The following HYDIN variants were observed in gnomAD, a reference collection of about 807,000 sequenced individuals.
HYDIN encodes the protein axonemal central pair apparatus protein HYDIN.
In HYDIN, 132 loss-of-function variants were observed where a neutral mutation model predicts 403.9. That is an observed-to-expected ratio of 0.33 (90% CI 0.28 to 0.38). The LOEUF (loss-of-function observed/expected upper bound fraction) is 0.38, where lower values mean the gene tolerates loss of function less well. Ranked by LOEUF, HYDIN falls within the 10% of genes least tolerant of loss-of-function variation. HYDIN has a pLI of 1.00. For missense variants in HYDIN, 2,827 were observed against 5,009.5 expected (o/e 0.56, Z 13.15); for synonymous variants, 1,202 against 1,891.7 (o/e 0.64, Z 9.46).
chr16:71,175,202 A>G (rs2086622002), intron 5 of HYDIN, among the ~76,000 whole-genome samples: 1 of 150,520 alleles, frequency 6.6e-6, no homozygotes, highest in African/African-American at 2.4e-5. Context: ...ACTATCAATG[A>G]CAACAATATT....
At chr16:70,974,822 G>A in intron 31 of HYDIN, 152 bp from the exon 32 acceptor site, 1 of 724,090 alleles carries the variant, frequency 1.4e-6, no homozygotes, top group East Asian at 2.7e-5. Flanking sequence ...ATGGAGACTA[G>A]AAACAACGTT....
intron 10 of HYDIN, among the ~76,000 whole-genome samples, chr16:71,109,645 C>T (rs1400383372): frequency 7.4e-6 from 1 of 135,424 alleles, no homozygotes; most frequent in East Asian, 2.1e-4. Context: ...CAAAGCTCTT[C>T]CCTGGCAAGC....
At chr16:70,813,095 G>A (rs2035609502) in intron 84 of HYDIN, among the ~76,000 whole-genome samples, 1 of 151,840 alleles carries the variant, frequency 6.6e-6, no homozygotes, top group African/African-American at 2.4e-5. Flanking sequence ...TAGGAATACA[G>A]GCACATGCCA....
intron 42 of HYDIN, among the ~76,000 whole-genome samples, chr16:70,943,379 A>G (rs2077741803): frequency 6.6e-6 from 1 of 152,232 alleles, no homozygotes; most frequent in African/African-American, 2.4e-5. Flanking sequence ...AAAAGTTTTT[A>G]CTATGTGTGT....
chr16:70,965,551 A>T (rs910826928), intron 36 of HYDIN, among the ~76,000 whole-genome samples: 18 of 152,132 alleles, frequency 1.2e-4, no homozygotes, highest in African/African-American at 3.4e-4. Context: ...TTTTCTCCTA[A>T]ATCTGGCAAT....
chr16:70,969,034 G>A (rs2078664552), intron 36 of HYDIN, among the ~76,000 whole-genome samples: 1 of 151,982 alleles, frequency 6.6e-6, no homozygotes, highest in South Asian at 2.1e-4. Flanking sequence ...AGAATGAAAT[G>A]GATGGAGAAG....
At chr16:71,000,885 A>G (rs1301590965) in intron 23 of HYDIN, among the ~76,000 whole-genome samples, 3 of 152,324 alleles carry the variant, frequency 2.0e-5, no homozygotes, top group South Asian at 2.1e-4. Flanking sequence ...GGGGACTTCA[A>G]ATTTACTAAC....
chr16:71,030,568 G>A (rs1397175558), intron 19 of HYDIN, among the ~76,000 whole-genome samples: 1 of 151,762 alleles, frequency 6.6e-6, no homozygotes, highest in Admixed American at 6.6e-5. Context: ...GAGTAGCTGG[G>A]ACTACACGCA....
chr16:70,813,113 C>T lies in HYDIN; in HGVS notation c.14659-3106G>A, dbSNP rs567640148. On this transcript the variant is annotated intron_variant, in intron 84 of 85. Coordinates refer to ENST00000393567, the MANE Select transcript of HYDIN (RefSeq NM_001270974.2). The stretch of plus-strand genomic sequence containing the variant: ...GAATACAGGCACATGCCATCATGGC[C>T]GGCTAATTTTTGTATTTTTAGTAGA... 1.5e-4 allele frequency among the ~76,000 whole-genome samples: 23 copies of T among 151,894 alleles called. 1 individual carries two copies. The highest frequency in any genetic ancestry group is 5.8e-4 in the East Asian group (3 of 5,186).
At chr16:70,997,200 A>G (rs1597497836) in intron 23 of HYDIN, among the ~76,000 whole-genome samples, 1 of 142,424 alleles carries the variant, frequency 7.0e-6, no homozygotes, top group Non-Finnish European at 1.5e-5. Context: ...AGTGGTGGGG[A>G]GTGGCTGTAA....
At chr16:70,927,949 T>TA (rs796753706) in intron 45 of HYDIN, among the ~76,000 whole-genome samples, 6,251 of 132,554 alleles carry the variant, frequency 0.047, 208 homozygotes, top group Non-Finnish European at 0.07. Context: ...AACCTGTACC[T>TA]AAAAAAAAAA....
At chr16:70,817,521 G>C (rs1292837878) in intron 84 of HYDIN, 1 of 152,230 alleles carries the variant, frequency 6.6e-6, no homozygotes, top group Non-Finnish European at 1.5e-5. Flanking sequence ...AGAGTTGATA[G>C]AATCTGGACA....
At chr16:71,179,793 A>G (rs1170674820) in intron 3 of HYDIN, among the ~76,000 whole-genome samples, 1 of 152,142 alleles carries the variant, frequency 6.6e-6, no homozygotes, top group African/African-American at 2.4e-5. Context: ...GCATCATCCA[A>G]TGCTGAAACT....
chr16:70,841,314 T>C (rs997128391), intron 75 of HYDIN, among the ~76,000 whole-genome samples: 4 of 152,018 alleles, frequency 2.6e-5, no homozygotes, highest in African/African-American at 9.7e-5. Flanking sequence ...AGTAGAAAGA[T>C]CTTGTAACAT....
At chr16:71,051,515 G>A (rs112660884) in intron 18 of HYDIN, among the ~76,000 whole-genome samples, 33 of 151,988 alleles carry the variant, frequency 2.2e-4, no homozygotes, top group African/African-American at 7.7e-4. Flanking sequence ...ACGTGGTGGC[G>A]GGCGCCTGTA....
At chr16:70,841,821 G>A (rs984804512) in intron 75 of HYDIN, among the ~76,000 whole-genome samples, 1 of 151,548 alleles carries the variant, frequency 6.6e-6, no homozygotes, top group Admixed American at 6.6e-5. Flanking sequence ...ACCAGATGCT[G>A]GCAACTTGAT....
chr16:70,859,443 C>T (rs9934901), intron 71 of HYDIN, among the ~76,000 whole-genome samples: 5,295 of 152,294 alleles, frequency 0.035, 302 homozygotes, highest in African/African-American at 0.12. Flanking sequence ...CCTGTATTAC[C>T]CACAAATGTC....
chr16:70,820,344 C>T (rs2036172620), intron 83 of HYDIN, among the ~76,000 whole-genome samples: 1 of 150,910 alleles, frequency 6.6e-6, no homozygotes, highest in South Asian at 2.1e-4. Flanking sequence ...GCACCCACCA[C>T]CATGCCTGGC....
rs185616885 is a variant in HYDIN at position 70,883,986 on chromosome 16, C to T, written c.9913G>A (p.Gly3305Ser). ...GCAGGGTGGACTGCAGGGTCTCGGCCGGAGATATCGATGGCTATAAACTCC... is the reference window on the plus strand; with the variant it reads ...GCAGGGTGGACTGCAGGGTCTCGGCTGGAGATATCGATGGCTATAAACTCC... ...CEEFIAIDIS[G>S]RDPAVHPAGI... The change falls in exon 59 of 86, where the codon GGC (glycine) becomes AGC (serine). Residue 3305 changes from glycine (G) to serine (S), a missense_variant. Coordinates refer to ENST00000393567, the MANE Select transcript of HYDIN (RefSeq NM_001270974.2). 186 of 1,614,098 alleles carry T rather than the reference C, an allele frequency of 1.2e-4. No homozygotes were observed. Among genetic ancestry groups the T allele is most frequent in the Non-Finnish European group, 1.5e-4 (173 of 1,180,016 alleles).
Sources: gnomAD v4.1 joint callset for allele counts (sites outside exome capture counted in the v4.1 genomes callset) on GRCh38, gnomAD v4.1.1 for gene constraint, MANE v1.5 for transcripts, NCBI Gene and HGNC (gene_info 2026-07-23, HGNC 2026-07-21) for gene names.